Variants in DPYSL2 observed in about 807,000 individuals in gnomAD.
DPYSL2 encodes the protein dihydropyrimidinase like 2.
In DPYSL2, 13 loss-of-function variants were observed where a neutral mutation model predicts 69.9. The ratio of observed to expected loss-of-function variants is 0.19; its 90% confidence interval spans 0.12 to 0.30. DPYSL2 has a LOEUF of 0.30. Among genes scored for constraint, DPYSL2 ranks in the 10% least tolerant of loss-of-function variants. The probability of loss-of-function intolerance (pLI) is 1.00; values close to 1 mark genes in which losing one functional copy is unlikely to be tolerated. For synonymous variants in DPYSL2, 326 were observed against 359.1 expected, an observed-to-expected ratio of 0.91 and a Z score of 1.04; for missense variants, 587 against 918.9, an observed-to-expected ratio of 0.64 and a Z score of 4.67.
intron 3 of DPYSL2, among the ~76,000 whole-genome samples, chr8:26,594,500 A>G (rs1310114396): frequency 2.0e-5 from 3 of 152,108 alleles, no homozygotes; most frequent in South Asian, 4.1e-4. Flanking sequence ...TAATCTATCT[A>G]TATATTGATA....
At chr8:26,575,648 A>G (rs139837053) in intron 1 of DPYSL2, among the ~76,000 whole-genome samples, 73 of 152,352 alleles carry the variant, frequency 4.8e-4, no homozygotes, top group Middle Eastern at 3.4e-3. Flanking sequence ...AATTGAAGCC[A>G]ATGAGACAGA....
At position 26,586,943 on chromosome 8, in the gene DPYSL2, T is replaced by C. The variant is rs184743601; in HGVS notation, c.628+2960T>C. Among the ~76,000 whole-genome samples, 2 of 152,344 alleles carry C rather than the reference T, an allele frequency of 1.3e-5. No individual in the cohort carries two copies. The highest frequency in any genetic ancestry group is 6.5e-5 in the Admixed American group (1 of 15,304). ...TTAGCATTGTGACCCCCAAATGCCA[T>C]TGCTTTTATAGCCTGAGAAAAGTAC... On this transcript the variant is annotated intron_variant, in intron 3 of 13. Coordinates refer to ENST00000521913, the MANE Select transcript of DPYSL2 (RefSeq NM_001197293.3). This position sits in a 1 kb window ranked among gnomAD's most constrained non-coding sequence, Gnocchi z 4.7.
intron 3 of DPYSL2, among the ~76,000 whole-genome samples, chr8:26,590,722 G>A (rs1347708180): frequency 6.6e-6 from 1 of 152,254 alleles, no homozygotes; most frequent in Admixed American, 6.5e-5. Flanking sequence ...CATAGTTTGG[G>A]CCGATCTAAT....
At chr8:26,550,522 T>G (rs1380380532) in intron 1 of DPYSL2, among the ~76,000 whole-genome samples, 1 of 152,064 alleles carries the variant, frequency 6.6e-6, no homozygotes, top group African/African-American at 2.4e-5. Flanking sequence ...GCAAAATAGA[T>G]GTAACTATAT....
At chr8:26,651,431 A>G (rs911913905) in intron 11 of DPYSL2, among the ~76,000 whole-genome samples, 2 of 152,184 alleles carry the variant, frequency 1.3e-5, no homozygotes, top group African/African-American at 2.4e-5. Flanking sequence ...GGAGCAACCT[A>G]TTAATCCTCT....
chr8:26,530,969 G>A (rs1469344751), intron 1 of DPYSL2, among the ~76,000 whole-genome samples: 1 of 151,882 alleles, frequency 6.6e-6, no homozygotes, highest in Non-Finnish European at 1.5e-5. Flanking sequence ...TGAGGTGCGA[G>A]GACGGTTTGA....
intron 1 of DPYSL2, among the ~76,000 whole-genome samples, chr8:26,551,165 C>T (rs1222298147): frequency 3.9e-5 from 6 of 152,312 alleles, no homozygotes; most frequent in Non-Finnish European, 7.4e-5. Flanking sequence ...TGCCTACTGA[C>T]GCGCTGAGAA....
At position 26,598,680 on chromosome 8, in the gene DPYSL2, C is replaced by T. The variant is rs1025116725; in HGVS notation, c.628+14697C>T. Among the ~76,000 whole-genome samples the T allele has an allele frequency of 6.6e-6, 1 of 152,132 alleles. No homozygotes were observed. On this transcript the variant is annotated intron_variant, in intron 3 of 13. Coordinates refer to ENST00000521913, the MANE Select transcript of DPYSL2 (RefSeq NM_001197293.3). This position sits in a 1 kb window ranked among gnomAD's most constrained non-coding sequence, Gnocchi z 4.2. ...AAGTACTTTGAAATAAAGATTGGCT[C>T]GCAGGGCAGGTTGAAGCTTCAACAC...
Position 26,643,466 on chromosome 8 carries a change from C to A in DPYSL2, c.1154C>A (p.Thr385Asn). The change falls in exon 9 of 14, where the codon ACT becomes AAT. Residue 385 changes from threonine to asparagine, a missense_variant. By Grantham distance (65) the Thr-to-Asn change is moderately conservative. Coordinates refer to ENST00000521913, the MANE Select transcript of DPYSL2 (RefSeq NM_001197293.3). The surrounding 1 kb of genome is among the most constrained non-coding windows in gnomAD (Gnocchi z 6.5). ...KGTVVYGEPI[T>N]ASLGTDGSHY... ...ACTGTGGTGTATGGCGAGCCCATCA[C>A]TGCCAGCTTGGGAACGGACGGCTCC... 6.2e-7 allele frequency: 1 copy of A among 1,606,194 alleles called. No homozygotes were observed. The highest frequency in any genetic ancestry group is 1.1e-5 in the South Asian group (1 of 89,486).
In DPYSL2 at chr8:26,634,841, A is replaced by G; in HGVS notation, c.1067A>G (p.Tyr356Cys). ...TIANQTNCPLYITKVMSKSSA... is the reference protein window; with the variant it reads ...TIANQTNCPLCITKVMSKSSA... ...GCCAACCAGACCAACTGCCCGCTGT[A>G]TATCACCAAGGTGATGAGCAAAAGC... Residue 356 changes from tyrosine (Y) to cysteine (C), a missense_variant, in exon 8 of 14, where the codon TAT (tyrosine) becomes TGT (cysteine). Physicochemically the swap from Tyr to Cys is radical, Grantham distance 194. Around this residue, in one of 3 missense-constraint regions of DPYSL2, gnomAD observed 452 missense variants for 754.3 expected, o/e 0.60. Transcript: ENST00000521913. 5 of 1,614,252 alleles carry G rather than the reference A, an allele frequency of 3.1e-6. No homozygotes were observed. The highest frequency in any genetic ancestry group is 1.1e-5 in the South Asian group (1 of 91,084).
intron 3 of DPYSL2, among the ~76,000 whole-genome samples, chr8:26,601,977 C>T (rs1466146162): frequency 6.6e-6 from 1 of 152,160 alleles, no homozygotes. Flanking sequence ...TTTGCCTGGG[C>T]AAAGGCTTAT....
chr8:26,611,781 T>C (rs1023978568), intron 3 of DPYSL2, among the ~76,000 whole-genome samples: 1 of 152,332 alleles, frequency 6.6e-6, no homozygotes, highest in African/African-American at 2.4e-5. Context: ...CTATTAAGTG[T>C]CTGTCTGTGA....
chr8:26,643,570 G>C lies in DPYSL2; in HGVS notation c.1258G>C (p.Asp420His). The change falls in exon 9 of 14, where the codon GAC becomes CAC. Residue 420 changes from aspartate to histidine, a missense_variant. This residue lies in a region of DPYSL2 where 452 missense variants were observed against 754.3 expected (regional missense o/e 0.60). Transcript: ENST00000521913. This position sits in a 1 kb window ranked among gnomAD's most constrained non-coding sequence, Gnocchi z 6.5. The part of the protein sequence containing the change: ...PPLSPDPTTP[D>H]FLNSLLSCGD... Reference sequence around the variant, plus strand: ...CTTGAGCCCTGATCCAACCACTCCAGACTTTCTCAACTCCTTGCTGTCCTG... The same window carrying C: ...CTTGAGCCCTGATCCAACCACTCCACACTTTCTCAACTCCTTGCTGTCCTG... 1 of 1,614,168 alleles carries C rather than the reference G, an allele frequency of 6.2e-7. No homozygotes were observed. The highest frequency in any genetic ancestry group is 1.6e-4 in the Middle Eastern group (1 of 6,062).
rs202009637 is a variant in DPYSL2, at chr8:26,562,258, TCA to T, written c.355-19708_355-19707del. 9.2e-5 allele frequency among the ~76,000 whole-genome samples: 14 copies of T among 152,322 alleles called. No individual in the cohort carries two copies. In the East Asian group the frequency reaches 1.9e-3, roughly 21 times the overall value. On this transcript the variant is annotated intron_variant, in intron 1 of 13. Transcript: ENST00000521913. The surrounding 1 kb of genome is among the most constrained non-coding windows in gnomAD (Gnocchi z 4.9). ...AATCTCACTTTGTTTCCACTCTACC[TCA>T]CAGAGTTGTTGTGAGGATTAAATGT...
At position 26,650,472 on chromosome 8, in the gene DPYSL2, G is replaced by A. The variant is rs544034429; in HGVS notation, c.1597-1785G>A. On this transcript the variant is annotated intron_variant, in intron 11 of 13. Transcript: ENST00000521913. This position sits in a 1 kb window ranked among gnomAD's most constrained non-coding sequence, Gnocchi z 5.3. ...GAGATGACCAGGGATGAGGCTTTTT[G>A]TATTGTCATCTTCACATACACCTCG... Among the ~76,000 whole-genome samples, 169 of 152,298 alleles carry A rather than the reference G, an allele frequency of 1.1e-3. 1 individual carries two copies. Among genetic ancestry groups the A allele is most frequent in the African/African-American group, 3.8e-3 (158 of 41,570 alleles).
rs1802253173 is a variant in DPYSL2, at chr8:26,612,466, A to G, written c.629-11677A>G. ...CCACAGGGAAATTGTTAAGGAAATG[A>G]TGGTAGATTCTCCGCAAGAATGGCT... On this transcript the variant is annotated intron_variant, in intron 3 of 13. Transcript: ENST00000521913. Among the ~76,000 whole-genome samples the G allele has an allele frequency of 3.3e-5, 5 of 152,230 alleles. No homozygotes were observed. In the South Asian group the frequency reaches 6.2e-4, roughly 19 times the overall value.
intron 1 of DPYSL2, among the ~76,000 whole-genome samples, chr8:26,553,727 T>G (rs775375752): frequency 5.3e-5 from 8 of 152,134 alleles, no homozygotes; most frequent in Non-Finnish European, 1.0e-4. Context: ...TATATTCCTT[T>G]GGGTATATAC....
rs770092567 is a variant in DPYSL2, at chr8:26,627,922, G to C, written c.987G>C (p.Val329=). The change falls in exon 7 of 14, where the codon GTG becomes GTC. Residue 329 remains valine, a synonymous_variant. Coordinates refer to ENST00000521913, the MANE Select transcript of DPYSL2 (RefSeq NM_001197293.3). This position sits in a 1 kb window ranked among gnomAD's most constrained non-coding sequence, Gnocchi z 6.9. ...GCATCACGGGCCCCGAGGGACATGT[G>C]CTGAGCCGACCTGAGGAGGTGAATG... is the stretch of plus-strand genomic sequence containing the variant. ...DLGITGPEGH[V]LSRPEEVEAE... 6.2e-7 allele frequency: 1 copy of C among 1,613,890 alleles called. No individual in the cohort carries two copies. Among genetic ancestry groups the C allele is most frequent in the African/African-American group, 1.3e-5 (1 of 75,058 alleles).
Position 26,586,272 on chromosome 8 carries a change from C to T in DPYSL2, c.628+2289C>T, listed in dbSNP as rs1166138556. Among the ~76,000 whole-genome samples, 3 of 152,154 alleles carry T rather than the reference C, an allele frequency of 2.0e-5. No homozygotes were observed. The highest frequency in any genetic ancestry group is 4.4e-5 in the Non-Finnish European group (3 of 68,026). On this transcript the variant is annotated intron_variant, in intron 3 of 13. Transcript: ENST00000521913. The surrounding 1 kb of genome is among the most constrained non-coding windows in gnomAD (Gnocchi z 4.7). ...CCTACTCTGTGTTCTAGCTGTGTGTCTCCAGTGAGGGATTTGTGCTACATG... is the reference window on the plus strand; with the variant it reads ...CCTACTCTGTGTTCTAGCTGTGTGTTTCCAGTGAGGGATTTGTGCTACATG...
Sources: allele counts gnomAD v4.1 joint callset (sites outside exome capture counted in the v4.1 genomes callset), GRCh38; gene constraint gnomAD v4.1.1; regional missense constraint gnomAD v4.1.1; non-coding constraint Gnocchi (gnomAD v3.1); transcripts MANE v1.5; gene names NCBI Gene and HGNC (gene_info 2026-07-23, HGNC 2026-07-21).